The following PCNX2 variants were observed in gnomAD, a reference collection of about 807,000 sequenced individuals.
The protein encoded by PCNX2 is pecanex-like protein 2.
In PCNX2, 168 loss-of-function variants were observed where a neutral mutation model predicts 223.8. That is an observed-to-expected ratio of 0.75 (90% CI 0.66 to 0.85). The LOEUF is 0.85. PCNX2 is among the 40% of genes least tolerant of loss of function. The pLI is 0.00. For synonymous variants in PCNX2, 1,006 were observed against 1,052.6 expected, an observed-to-expected ratio of 0.96 and a Z score of 0.86; for missense variants, 2,507 against 2,675.5, an observed-to-expected ratio of 0.94 and a Z score of 1.39.
intron 26 of PCNX2, chr1:233,018,946 T>C (rs1670781437): frequency 1.0e-6 from 1 of 985,364 alleles, no homozygotes; most frequent in Non-Finnish European, 1.2e-6. Context: ...CTTCAGTGAC[T>C]GACGCTTGTA....
At chr1:232,992,561 GC>G (rs1407830391) in intron 32 of PCNX2, among the ~76,000 whole-genome samples, 1 of 152,270 alleles carries the variant, frequency 6.6e-6, no homozygotes, top group African/African-American at 2.4e-5. Context: ...CATCCCTGGG[GC>G]CAGGACAATG....
At chr1:233,047,713 T>C (rs927377888) in intron 25 of PCNX2, among the ~76,000 whole-genome samples, 1 of 152,156 alleles carries the variant, frequency 6.6e-6, no homozygotes, top group Non-Finnish European at 1.5e-5. Context: ...AACAAGTACT[T>C]ATAGAGCTAT....
rs376155601 is a variant in PCNX2 at position 233,295,581 on chromosome 1, C to G, written c.-103G>C. 8 of 1,213,574 alleles carry G rather than the reference C, an allele frequency of 6.6e-6. No individual in the cohort carries two copies. The East Asian group carries it at 2.3e-4, about 35-fold the overall frequency. 75.2% of individuals were successfully genotyped at this position (1,213,574 alleles called of 1,614,324 possible). A position where few individuals can be genotyped will look rare whatever the true frequency, so the allele number is the denominator to read the frequency against. On this transcript the variant is annotated 5_prime_UTR_variant, in exon 1 of 34. Coordinates refer to ENST00000258229, the MANE Select transcript of PCNX2 (RefSeq NM_014801.4). The surrounding 1 kb of genome is among the most constrained non-coding windows in gnomAD (Gnocchi z 4.1). Reference sequence around the variant, plus strand: ...CTAACACCCGGGCCCGCGGGCCGCGCCCCCGCCGTCGCCGCCGCCGTCGCC... The same window carrying G: ...CTAACACCCGGGCCCGCGGGCCGCGGCCCCGCCGTCGCCGCCGCCGTCGCC...
chr1:232,998,647 G>A (rs11586537), intron 31 of PCNX2, among the ~76,000 whole-genome samples: 25,609 of 152,152 alleles, frequency 0.17, 2,659 homozygotes, highest in Non-Finnish European at 0.23. Flanking sequence ...ATGGGCTTCC[G>A]TCTCAACCTT....
chr1:233,134,863 T>A, intron 21 of PCNX2, 150 bp downstream of exon 21: 1 of 679,120 alleles, frequency 1.5e-6, no homozygotes, highest in Non-Finnish European at 2.4e-6. Flanking sequence ...TTTCCCCAAA[T>A]GGTAGCAAGA....
chr1:233,265,891 G>T lies in PCNX2; in HGVS notation c.154-2728C>A, dbSNP rs941175527. On this transcript the variant is annotated intron_variant, in intron 1 of 33. Transcript: ENST00000258229. ...ACTGGCATGCCCCAATATTCAGAGA[G>T]ATATTGCTTTTCAGTTTATCCTCAT... Among the ~76,000 whole-genome samples the T allele has an allele frequency of 2.6e-5, 4 of 152,092 alleles. No individual in the cohort carries two copies. In the East Asian group the frequency reaches 5.8e-4, roughly 22 times the overall value.
upstream of PCNX2, among the ~76,000 whole-genome samples, chr1:233,299,755 G>C (rs34324381): frequency 0.064 from 9,688 of 152,276 alleles, 409 homozygotes; most frequent in Middle Eastern, 0.12. Context: ...TCAGTTACCT[G>C]TCTCTTCCAT....
At chr1:233,166,476 A>C (rs72765747) in intron 17 of PCNX2, among the ~76,000 whole-genome samples, 19 of 152,066 alleles carry the variant, frequency 1.2e-4, no homozygotes, top group African/African-American at 3.1e-4. Context: ...GGGAAAAAAA[A>C]ATTACTACTC....
intron 20 of PCNX2, among the ~76,000 whole-genome samples, chr1:233,137,432 T>A (rs1056228269): frequency 1.3e-5 from 2 of 152,236 alleles, no homozygotes; most frequent in Non-Finnish European, 1.5e-5. Flanking sequence ...TAAATAATTA[T>A]CTTAATTGTT....
At chr1:233,130,634 G>A (rs557920574) in intron 21 of PCNX2, among the ~76,000 whole-genome samples, 10 of 152,038 alleles carry the variant, frequency 6.6e-5, no homozygotes, top group African/African-American at 1.7e-4. Context: ...ACAGGTGCCC[G>A]CCACTGTGCC....
At chr1:233,205,975 A>AG (rs1208016945) in intron 13 of PCNX2, among the ~76,000 whole-genome samples, 2 of 152,148 alleles carry the variant, frequency 1.3e-5, no homozygotes, top group Non-Finnish European at 2.9e-5. Context: ...GGCCAAACTT[A>AG]GGGAAATGAG....
chr1:233,044,775 T>A (rs1384136740), intron 25 of PCNX2, among the ~76,000 whole-genome samples: 2 of 152,000 alleles, frequency 1.3e-5, no homozygotes, highest in African/African-American at 4.8e-5. Context: ...TTCAAGTGAT[T>A]CTCCTGCCTC....
At chr1:233,016,213 T>C (rs1670650013) in intron 27 of PCNX2, among the ~76,000 whole-genome samples, 1 of 152,142 alleles carries the variant, frequency 6.6e-6, no homozygotes, top group South Asian at 2.1e-4. Flanking sequence ...CGTGGTTTGG[T>C]TTACTCTTTC....
At chr1:233,169,659 A>C (rs1447654768) in intron 17 of PCNX2, among the ~76,000 whole-genome samples, 1 of 151,694 alleles carries the variant, frequency 6.6e-6, no homozygotes, top group Non-Finnish European at 1.5e-5. Context: ...AAAAAAAAAA[A>C]ATGTGACACA....
intron 23 of PCNX2, among the ~76,000 whole-genome samples, chr1:233,085,117 A>G (rs1453175205): frequency 6.6e-6 from 1 of 152,132 alleles, no homozygotes; most frequent in Admixed American, 6.5e-5. Context: ...GGCGGATCAC[A>G]AGATCAGGAA....
At chr1:233,250,565 T>C in intron 8 of PCNX2, 174 bp downstream of exon 8, 1 of 985,364 alleles carries the variant, frequency 1.0e-6, no homozygotes, top group Non-Finnish European at 1.2e-6. Context: ...TTTCATTTAT[T>C]TTTCATTATT....
Position 233,263,077 on chromosome 1 carries a change from G to A in PCNX2, c.240C>T (p.Arg80=). The change falls in exon 2 of 34, where the codon CGC becomes CGT. Residue 80 remains arginine (R), a synonymous_variant. Transcript: ENST00000258229. ...CTCCTTTGTCAAACATGAGGTGTAG[G>A]CGATAACTGACCAGTTTGATTATTG... ...FFTIIKLVSY[R]LHLMFDKGEV... 2 of 1,613,492 alleles carry A rather than the reference G, an allele frequency of 1.2e-6. No individual in the cohort carries two copies. Among genetic ancestry groups the A allele is most frequent in the African/African-American group, 1.3e-5 (1 of 75,008 alleles).
At chr1:233,152,438 T>C (rs59501931) in intron 19 of PCNX2, among the ~76,000 whole-genome samples, 19,467 of 152,074 alleles carry the variant, frequency 0.13, 1,377 homozygotes, top group East Asian at 0.22. Context: ...AAAGGCGAGG[T>C]AAGGAATACA....
chr1:233,077,578 T>C (rs1673151728), intron 23 of PCNX2, among the ~76,000 whole-genome samples: 1 of 152,180 alleles, frequency 6.6e-6, no homozygotes, highest in Non-Finnish European at 1.5e-5. Context: ...AAGATCTCTC[T>C]TTCCTTCCTT....
Sources: allele counts gnomAD v4.1 joint callset (sites outside exome capture counted in the v4.1 genomes callset), GRCh38; gene constraint gnomAD v4.1.1; non-coding constraint Gnocchi (gnomAD v3.1); transcripts MANE v1.5; gene names NCBI Gene and HGNC (gene_info 2026-07-23, HGNC 2026-07-21).